HERC1: variants seen among roughly 807,000 people sequenced by gnomAD.
The protein encoded by HERC1 is probable E3 ubiquitin-protein ligase HERC1.
A neutral mutation model predicts 554.3 loss-of-function variants in HERC1; 160 were observed. The observed-to-expected ratio is 0.29, with a 90% CI of 0.25 to 0.33. HERC1 has a LOEUF of 0.33. HERC1 is among the 10% of genes least tolerant of loss of function. The probability of loss-of-function intolerance (pLI) is 1.00; values close to 1 mark genes in which losing one functional copy is unlikely to be tolerated. For synonymous variants in HERC1, 2,175 were observed against 2,131.7 expected (o/e 1.02, Z -0.56); for missense variants, 4,919 against 5,918.5 (o/e 0.83, Z 5.54).
chr15:63,700,821 C>T (rs530693764), intron 25 of HERC1, among the ~76,000 whole-genome samples: 15 of 149,674 alleles, frequency 1.0e-4, no homozygotes, highest in Non-Finnish European at 2.2e-4. Context: ...TCATGTGACA[C>T]AGAAAAAACT....
intron 1 of HERC1, among the ~76,000 whole-genome samples, chr15:63,789,243 A>G (rs1396456765): frequency 1.3e-5 from 2 of 148,772 alleles, no homozygotes; most frequent in Non-Finnish European, 3.0e-5. Context: ...GGCGCCCGCC[A>G]CTACGCCCGG....
At chr15:63,651,124 A>C (rs2069652534) in intron 53 of HERC1, 129 bp downstream of exon 53, 1 of 792,362 alleles carries the variant, frequency 1.3e-6, no homozygotes, top group South Asian at 1.8e-5. Flanking sequence ...CATAGATTGA[A>C]ATTTCAGAGT....
At chr15:63,801,095 G>A (rs2076970125) in intron 1 of HERC1, among the ~76,000 whole-genome samples, 1 of 152,146 alleles carries the variant, frequency 6.6e-6, no homozygotes, top group African/African-American at 2.4e-5. Flanking sequence ...GGCATGTCAG[G>A]AAAAGGCATA....
At chr15:63,614,833 T>C (rs1391676799) in intron 76 of HERC1, among the ~76,000 whole-genome samples, 3 of 152,176 alleles carry the variant, frequency 2.0e-5, no homozygotes, top group African/African-American at 7.2e-5. Context: ...AAATAGAAAA[T>C]GCATTCTTCA....
intron 7 of HERC1, among the ~76,000 whole-genome samples, chr15:63,753,459 T>C (rs560404302): frequency 2.0e-5 from 3 of 152,272 alleles, no homozygotes; most frequent in Non-Finnish European, 2.9e-5. Context: ...TAAAAAAGAA[T>C]GTATATGCAT....
chr15:63,751,638 A>C (rs774895687), intron 8 of HERC1, among the ~76,000 whole-genome samples: 45 of 152,178 alleles, frequency 3.0e-4, no homozygotes, highest in Admixed American at 2.0e-3. Flanking sequence ...AGACTGAGGG[A>C]AAAGCAAATG....
chr15:63,748,961 C>T (rs1407979422), intron 10 of HERC1, among the ~76,000 whole-genome samples: 1 of 137,876 alleles, frequency 7.3e-6, no homozygotes, highest in Non-Finnish European at 1.6e-5. Context: ...ATTTTTTTTC[C>T]AAAAAAAAAA....
intron 1 of HERC1, among the ~76,000 whole-genome samples, chr15:63,812,907 A>T (rs2077375350): frequency 1.3e-5 from 2 of 152,196 alleles, no homozygotes; most frequent in African/African-American, 4.8e-5. Flanking sequence ...CCCCAAATTG[A>T]TCTATAAATT....
chr15:63,742,607 T>C (rs2074855077), intron 12 of HERC1, among the ~76,000 whole-genome samples: 1 of 152,194 alleles, frequency 6.6e-6, no homozygotes, highest in Non-Finnish European at 1.5e-5. Context: ...CTATAACTTT[T>C]TCATAGATGC....
At chr15:63,704,989 C>G (rs180693070) in intron 25 of HERC1, among the ~76,000 whole-genome samples, 2 of 152,104 alleles carry the variant, frequency 1.3e-5, no homozygotes, top group Non-Finnish European at 2.9e-5. Flanking sequence ...CCGCCCACCT[C>G]AGCCTCCCAA....
At chr15:63,738,711 C>A (rs1385934392) in intron 12 of HERC1, among the ~76,000 whole-genome samples, 1 of 152,122 alleles carries the variant, frequency 6.6e-6, no homozygotes, top group Non-Finnish European at 1.5e-5. Flanking sequence ...ACAGAAACAG[C>A]CTGTGTGTAA....
In HERC1 at chr15:63,674,545, G is replaced by C; in HGVS notation, c.7643C>G (p.Ala2548Gly). 6.2e-7 allele frequency: 1 copy of C among 1,612,994 alleles called. No homozygotes were observed. The highest frequency in any genetic ancestry group is 8.5e-7 in the Non-Finnish European group (1 of 1,179,382). Residue 2548 changes from alanine (A) to glycine (G), a missense_variant, in exon 38 of 78, where the codon GCA becomes GGA. By Grantham distance (60) the Ala-to-Gly change is moderately conservative. This residue lies in a region of HERC1 where 1,963 missense variants were observed against 2,228.6 expected (regional missense o/e 0.88). Coordinates refer to ENST00000443617, the MANE Select transcript of HERC1 (RefSeq NM_003922.4). ...GTCTTCATGAACAACTGGAGAACTTGCACAGTCTGAGTTGTGGCCATTTTC... is the reference window on the plus strand; with the variant it reads ...GTCTTCATGAACAACTGGAGAACTTCCACAGTCTGAGTTGTGGCCATTTTC... ...LAENGHNSDC[A>G]SSPVVHEDVE...
At chr15:63,822,839 G>A (rs2077752075) in intron 1 of HERC1, among the ~76,000 whole-genome samples, 1 of 152,114 alleles carries the variant, frequency 6.6e-6, no homozygotes, top group Admixed American at 6.5e-5. Context: ...TCAGAAAATA[G>A]AGCCAAGATG....
chr15:63,764,335 T>G, intron 2 of HERC1, 144 bp from the exon 3 acceptor site: 1 of 600,736 alleles, frequency 1.7e-6, no homozygotes, highest in Non-Finnish European at 3.0e-6. Flanking sequence ...TAACATTAGG[T>G]CATGAAACTA....
rs1177647525 is a variant in HERC1, at chr15:63,795,065, CAAAAAAAAAA to C, written c.-26-19426_-26-19417del. Reference sequence around the variant, plus strand: ...CGGGCAACAGAGCAAGACTCTGTCTCAAAAAAAAAAAAAAAAAAAAAAGTAAAGGAATAAT... The same window carrying C: ...CGGGCAACAGAGCAAGACTCTGTCTCAAAAAAAAAAAAGTAAAGGAATAAT... On this transcript the variant is annotated intron_variant, in intron 1 of 77. Coordinates refer to ENST00000443617, the MANE Select transcript of HERC1 (RefSeq NM_003922.4). Among the ~76,000 whole-genome samples the C allele has an allele frequency of 4.4e-3, 305 of 68,938 alleles. 1 individual carries two copies. Among genetic ancestry groups the C allele is most frequent in the Non-Finnish European group, 5.5e-3 (213 of 39,076 alleles). 45.2% of individuals were successfully genotyped at this position (68,938 alleles called of 152,430 possible). A position where few individuals can be genotyped will look rare whatever the true frequency, so the allele number is the denominator to read the frequency against.
intron 12 of HERC1, among the ~76,000 whole-genome samples, chr15:63,738,658 A>T (rs750252028): frequency 6.6e-6 from 1 of 152,216 alleles, no homozygotes; most frequent in African/African-American, 2.4e-5. Context: ...ATAAATTACT[A>T]TAAGTTTCAG....
chr15:63,630,363 A>G (rs2068492015), intron 69 of HERC1, 103 bp downstream of exon 69: 1 of 1,114,052 alleles, frequency 9.0e-7, no homozygotes, highest in Admixed American at 2.1e-5. Context: ...TGCTTGGAGT[A>G]TTGCAGTAGA....
At chr15:63,812,701 A>T (rs1412483795) in intron 1 of HERC1, among the ~76,000 whole-genome samples, 1 of 152,242 alleles carries the variant, frequency 6.6e-6, no homozygotes, top group Non-Finnish European at 1.5e-5. Context: ...AAAGGTTTTT[A>T]AACATTTTTA....
At chr15:63,637,775 T>A (rs2068847040) in intron 63 of HERC1, 132 bp from the exon 64 acceptor site, 22 of 589,924 alleles carry the variant, frequency 3.7e-5, no homozygotes, top group Non-Finnish European at 6.2e-5. Flanking sequence ...AAGGGAAGAG[T>A]TGATATAACT....
Sources: gnomAD v4.1 joint callset for allele counts (sites outside exome capture counted in the v4.1 genomes callset) on GRCh38, gnomAD v4.1.1 for gene constraint, gnomAD v4.1.1 regional missense constraint, MANE v1.5 for transcripts, NCBI Gene and HGNC (gene_info 2026-07-23, HGNC 2026-07-21) for gene names.